TMEM132C: variants seen among roughly 807,000 people sequenced by gnomAD.
The protein encoded by TMEM132C is protein phosphatase 1, regulatory subunit 152.
Under a neutral mutation model 61.4 loss-of-function variants are expected in TMEM132C, and 29 were observed. The observed-to-expected ratio is 0.47, with a 90% confidence interval of 0.35 to 0.64. TMEM132C has a LOEUF of 0.64. Among genes scored for constraint, TMEM132C ranks in the 30% least tolerant of loss-of-function variants. The pLI is 0.00. For missense variants in TMEM132C, 1,408 were observed against 1,476.9 expected, an observed-to-expected ratio of 0.95 and a Z score of 0.76; for synonymous variants, 656 against 633.1, an observed-to-expected ratio of 1.04 and a Z score of -0.54.
intron 1 of TMEM132C, among the ~76,000 whole-genome samples, chr12:128,301,909 GA>G (rs1871609903): frequency 6.6e-6 from 1 of 152,204 alleles, no homozygotes; most frequent in African/African-American, 2.4e-5. Flanking sequence ...CATGGTGGCA[GA>G]TGAGAGAAAT....
chr12:128,280,579 A>G (rs555276497), intron 1 of TMEM132C, among the ~76,000 whole-genome samples: 2 of 152,344 alleles, frequency 1.3e-5, no homozygotes, highest in Admixed American at 6.5e-5. Context: ...ACTAATGAGT[A>G]TAAGGTATCT....
At chr12:128,369,996 A>C (rs1232278212) in intron 1 of TMEM132C, among the ~76,000 whole-genome samples, 1 of 152,236 alleles carries the variant, frequency 6.6e-6, no homozygotes, top group Non-Finnish European at 1.5e-5. Flanking sequence ...GCCCTTGTTT[A>C]TTGCTGATGG....
intron 1 of TMEM132C, among the ~76,000 whole-genome samples, chr12:128,408,813 A>T (rs1565927421): frequency 6.6e-6 from 1 of 152,210 alleles, no homozygotes; most frequent in Non-Finnish European, 1.5e-5. Flanking sequence ...TTGAAAAGCC[A>T]TCTTGACAAT....
At chr12:128,495,127 T>C (rs1243812644) in intron 2 of TMEM132C, among the ~76,000 whole-genome samples, 1 of 150,592 alleles carries the variant, frequency 6.6e-6, no homozygotes, top group African/African-American at 2.4e-5. Flanking sequence ...GAGCAGGTTG[T>C]TCAGTTTCCA....
At chr12:128,523,220 A>G (rs1159700168) in intron 2 of TMEM132C, among the ~76,000 whole-genome samples, 2 of 152,180 alleles carry the variant, frequency 1.3e-5, no homozygotes, top group Non-Finnish European at 2.9e-5. Context: ...TCGAATTCAT[A>G]GAGACAGAAA....
intron 2 of TMEM132C, among the ~76,000 whole-genome samples, chr12:128,528,798 C>G (rs533405032): frequency 4.5e-4 from 68 of 152,304 alleles, no homozygotes; most frequent in Admixed American, 3.1e-3. Flanking sequence ...GACCATGGCT[C>G]ACCGTGGGGC....
chr12:128,378,566 AG>A (rs1226732872), intron 1 of TMEM132C, among the ~76,000 whole-genome samples: 1 of 152,212 alleles, frequency 6.6e-6, no homozygotes, highest in East Asian at 1.9e-4. Context: ...CCTACATCAA[AG>A]CACTAATTGG....
chr12:128,347,174 A>C (rs1873184524), intron 1 of TMEM132C, among the ~76,000 whole-genome samples: 1 of 152,118 alleles, frequency 6.6e-6, no homozygotes, highest in Non-Finnish European at 1.5e-5. Flanking sequence ...AGAACATACT[A>C]TATGTAGTTT....
intron 1 of TMEM132C, among the ~76,000 whole-genome samples, chr12:128,291,904 C>A (rs117191769): frequency 6.6e-6 from 1 of 152,204 alleles, no homozygotes; most frequent in Non-Finnish European, 1.5e-5. Flanking sequence ...ATGGCCAGGG[C>A]GTCTCAGGAA....
chr12:128,297,226 A>G (rs1484832602), intron 1 of TMEM132C, among the ~76,000 whole-genome samples: 1 of 152,174 alleles, frequency 6.6e-6, no homozygotes, highest in Admixed American at 6.5e-5. Context: ...GAAGGGGATA[A>G]TATGGTATTG....
At chr12:128,563,550 A>G (rs1874594272) in intron 3 of TMEM132C, among the ~76,000 whole-genome samples, 1 of 152,192 alleles carries the variant, frequency 6.6e-6, no homozygotes, top group Non-Finnish European at 1.5e-5. Context: ...TGATACAATC[A>G]TCTAATGTCC....
chr12:128,635,954 C>A (rs956947330), intron 4 of TMEM132C, among the ~76,000 whole-genome samples: 1 of 152,214 alleles, frequency 6.6e-6, no homozygotes, highest in Non-Finnish European at 1.5e-5. Context: ...TCGGGTCTAG[C>A]CACCTCCCCA....
Position 128,353,507 on chromosome 12 carries a change from G to A in TMEM132C, c.86-61225G>A, listed in dbSNP as rs58427859. The stretch of plus-strand genomic sequence containing the variant: ...GGCGTTCTCCCATGGTGTTTTCTTA[G>A]CAAAGCTGAGGACAGGTCAACAAAG... On this transcript the variant is annotated intron_variant, in intron 1 of 8. Transcript: ENST00000435159. Among the ~76,000 whole-genome samples the A allele has an allele frequency of 1.9e-3, 292 of 152,324 alleles. 2 individuals are homozygous for A. The highest frequency in any genetic ancestry group is 6.6e-3 in the African/African-American group (275 of 41,574).
chr12:128,347,393 G>GTCTCTCTCTCTCTCTCTC (rs1330764900), intron 1 of TMEM132C, among the ~76,000 whole-genome samples: 1 of 116,708 alleles, frequency 8.6e-6, no homozygotes, highest in African/African-American at 4.3e-5. Context: ...GCATGCATAT[G>GTCTCTCTCTCTCTCTCTC]TATGTCTCTC....
At position 128,605,595 on chromosome 12, in the gene TMEM132C, G is replaced by A. The variant is rs559337704; in HGVS notation, c.1122-10557G>A. ...AGACCAGATGGGGCAGGAGGACAGG[G>A]GTGCATTACGGATCTGGTGTGATAG... is the stretch of plus-strand genomic sequence containing the variant. On this transcript the variant is annotated intron_variant, in intron 3 of 8. Coordinates refer to ENST00000435159, the MANE Select transcript of TMEM132C (RefSeq NM_001136103.3). Among the ~76,000 whole-genome samples, 8 of 152,276 alleles carry A rather than the reference G, an allele frequency of 5.3e-5. No individual in the cohort carries two copies. The South Asian group carries it at 1.7e-3, about 32-fold the overall frequency.
At chr12:128,337,216 C>T (rs1872813202) in intron 1 of TMEM132C, among the ~76,000 whole-genome samples, 1 of 151,828 alleles carries the variant, frequency 6.6e-6, no homozygotes, top group Non-Finnish European at 1.5e-5. Flanking sequence ...ACAGCTGTTT[C>T]TGCAACATTT....
intron 2 of TMEM132C, among the ~76,000 whole-genome samples, chr12:128,532,575 GT>G (rs36167202): frequency 0.17 from 22,718 of 137,198 alleles, 2,816 homozygotes; most frequent in African/African-American, 0.36. Context: ...GGAGGCAGAG[GT>G]TTGCAGTGAG....
chr12:128,277,512 A>G (rs1002777393), intron 1 of TMEM132C, among the ~76,000 whole-genome samples: 1 of 152,218 alleles, frequency 6.6e-6, no homozygotes, highest in African/African-American at 2.4e-5. Flanking sequence ...CTTACTGCGG[A>G]CTTAAGGGAA....
chr12:128,309,431 G>A (rs1006002280), intron 1 of TMEM132C, among the ~76,000 whole-genome samples: 9 of 152,094 alleles, frequency 5.9e-5, no homozygotes, highest in African/African-American at 1.9e-4. Flanking sequence ...CAATTCAGTG[G>A]TATTCAGCGC....
Sources: allele counts gnomAD v4.1 joint callset (sites outside exome capture counted in the v4.1 genomes callset), GRCh38; gene constraint gnomAD v4.1.1; transcripts MANE v1.5; gene names NCBI Gene and HGNC (gene_info 2026-07-23, HGNC 2026-07-21).